COL11A1: variants seen among roughly 807,000 people sequenced by gnomAD.
The protein encoded by COL11A1 is collagen type XI alpha 1 chain.
A neutral mutation model predicts 265.2 loss-of-function variants in COL11A1; 74 were observed. That is an observed-to-expected ratio of 0.28 (90% CI 0.23 to 0.34). COL11A1 has a LOEUF of 0.34. COL11A1 is among the 10% of genes least tolerant of loss of function. The probability of loss-of-function intolerance (pLI) is 1.00; values close to 1 mark genes in which losing one functional copy is unlikely to be tolerated. For synonymous variants in COL11A1, 816 were observed against 727.6 expected (o/e 1.12, Z -1.96); for missense variants, 2,165 against 2,263.6 (o/e 0.96, Z 0.88).
chr1:102,964,981 C>T (rs1661268508), intron 38 of COL11A1, among the ~76,000 whole-genome samples: 1 of 152,004 alleles, frequency 6.6e-6, no homozygotes, highest in South Asian at 2.1e-4. Flanking sequence ...TTTTGTATAT[C>T]CTCAAAGATA....
intron 66 of COL11A1, among the ~76,000 whole-genome samples, chr1:102,878,472 CCT>C: frequency 6.3e-5 from 1 of 15,788 alleles, no homozygotes; most frequent in South Asian, 4.7e-3. Context: ...GGTATTGAAT[CCT>C]CATATATATA....
chr1:102,967,459 C>G (rs2101610024), intron 37 of COL11A1, among the ~76,000 whole-genome samples: 1 of 151,954 alleles, frequency 6.6e-6, no homozygotes, highest in South Asian at 2.1e-4. Context: ...AAAGGATGGT[C>G]TCGATCTCCT....
intron 56 of COL11A1, among the ~76,000 whole-genome samples, 158 bp from the exon 57 acceptor site, chr1:102,898,336 T>G (rs1011121435): frequency 1.3e-5 from 2 of 151,786 alleles, no homozygotes; most frequent in African/African-American, 4.8e-5. Context: ...AATAATTTTG[T>G]GTCTTTAATA....
chr1:102,932,251 T>C (rs1253493199), intron 46 of COL11A1, among the ~76,000 whole-genome samples: 1 of 152,242 alleles, frequency 6.6e-6, no homozygotes, highest in African/African-American at 2.4e-5. Flanking sequence ...TTTCCATGTT[T>C]AGCACTGCCT....
chr1:103,107,932 T>C, intron 1 of COL11A1, 141 bp downstream of exon 1: 1 of 712,464 alleles, frequency 1.4e-6, no homozygotes, highest in Non-Finnish European at 2.5e-6. Flanking sequence ...TGGTAGCAGC[T>C]ACAATCTGGA....
chr1:103,002,271 C>G (rs1413516602), intron 23 of COL11A1, among the ~76,000 whole-genome samples, 157 bp downstream of exon 23: 2 of 151,954 alleles, frequency 1.3e-5, no homozygotes, highest in African/African-American at 4.8e-5. Context: ...CAAGTTTGCT[C>G]AAATTTTTTT....
chr1:102,933,466 C>T (rs1295534574), intron 46 of COL11A1, among the ~76,000 whole-genome samples: 5 of 151,696 alleles, frequency 3.3e-5, no homozygotes, highest in African/African-American at 4.8e-5. Context: ...TCTCCAGCTG[C>T]GTGCTGGGAG....
chr1:103,052,903 G>A (rs1198711371), intron 4 of COL11A1, among the ~76,000 whole-genome samples: 7 of 152,264 alleles, frequency 4.6e-5, no homozygotes, highest in African/African-American at 7.2e-5. Flanking sequence ...ACATTAATAG[G>A]TAATTCTAAA....
At chr1:103,082,196 A>G (rs541755238) in intron 2 of COL11A1, among the ~76,000 whole-genome samples, 31 of 152,148 alleles carry the variant, frequency 2.0e-4, no homozygotes, top group African/African-American at 7.2e-4. Context: ...GCCAGCTGAT[A>G]TTTTAAAAAA....
chr1:103,006,081 T>G lies in COL11A1; in HGVS notation c.1778A>C (p.Glu593Ala). 3 of 1,614,040 alleles carry G rather than the reference T, an allele frequency of 1.9e-6. No homozygotes were observed. The highest frequency in any genetic ancestry group is 2.5e-6 in the Non-Finnish European group (3 of 1,179,978). Residue 593 changes from glutamate to alanine, a missense_variant, in exon 17 of 67, where the codon GAA becomes GCA. Glu to Ala is a moderately radical substitution (Grantham distance 107, BLOSUM62 -1). Coordinates refer to ENST00000370096, the MANE Select transcript of COL11A1 (RefSeq NM_001854.4). ...GADGGRGMPG[E>A]PGAKGDRGFD... ...TGAGCTCCTGACCTTTGCCCCAGGTTCTCCTGGCATTCCTCTTCCTCCATC... is the reference window on the plus strand; with the variant it reads ...TGAGCTCCTGACCTTTGCCCCAGGTGCTCCTGGCATTCCTCTTCCTCCATC...
rs144884147 is a variant in COL11A1 at position 103,022,966 on chromosome 1, C to T, written c.1021G>A (p.Glu341Lys). 1 of 1,613,056 alleles carries T rather than the reference C, an allele frequency of 6.2e-7. No homozygotes were observed. The highest frequency in any genetic ancestry group is 1.1e-5 in the South Asian group (1 of 91,066). Residue 341 changes from glutamate to lysine, a missense_variant, in exon 8 of 67, where the codon GAA becomes AAA. Glu to Lys is a moderately conservative substitution (Grantham distance 56). Transcript: ENST00000370096. The stretch of plus-strand genomic sequence containing the variant: ...TCATAATCCTCTCCCGTTAGATATT[C>T]TTCAGTAAATATTTCTTCAACTGGA... ...PNPVEEIFTE[E>K]YLTGEDYDSQ...
At chr1:102,905,209 A>T (rs780971833) in intron 54 of COL11A1, among the ~76,000 whole-genome samples, 2 of 117,736 alleles carry the variant, frequency 1.7e-5, no homozygotes, top group East Asian at 2.8e-4. Flanking sequence ...AACATCACAC[A>T]CCAGGGACTG....
At chr1:103,098,923 CAAT>C (rs1674009698) in intron 1 of COL11A1, among the ~76,000 whole-genome samples, 1 of 151,728 alleles carries the variant, frequency 6.6e-6, no homozygotes, top group South Asian at 2.1e-4. Flanking sequence ...CAGGAAATCA[CAAT>C]AATATCAGCA....
At chr1:103,094,836 G>A (rs1673616316) in intron 1 of COL11A1, among the ~76,000 whole-genome samples, 1 of 151,836 alleles carries the variant, frequency 6.6e-6, no homozygotes, top group Non-Finnish European at 1.5e-5. Context: ...GAAGTCTTAG[G>A]GGAGCCAAAA....
chr1:102,922,137 C>T (rs952677572), intron 47 of COL11A1, among the ~76,000 whole-genome samples: 2 of 152,144 alleles, frequency 1.3e-5, no homozygotes, highest in African/African-American at 4.8e-5. Flanking sequence ...CCAGAAACTC[C>T]TATCTCAAAG....
chr1:102,984,050 A>C, intron 31 of COL11A1, 88 bp downstream of exon 31: 23 of 942,256 alleles, frequency 2.4e-5, no homozygotes, highest in Non-Finnish European at 3.6e-5. Context: ...ATGATAATAT[A>C]GAGATGTTAC....
chr1:103,098,813 C>T (rs1205343867), intron 1 of COL11A1, among the ~76,000 whole-genome samples: 1 of 151,802 alleles, frequency 6.6e-6, no homozygotes, highest in Admixed American at 6.6e-5. Flanking sequence ...ATCTAAATCT[C>T]AAGCAAAGAG....
intron 4 of COL11A1, among the ~76,000 whole-genome samples, chr1:103,053,882 C>A (rs1483988945): frequency 6.6e-6 from 1 of 152,160 alleles, no homozygotes; most frequent in African/African-American, 2.4e-5. Context: ...TTGACTATTT[C>A]TTCACGAAAA....
At position 103,018,660 on chromosome 1, in the gene COL11A1, T is replaced by C. The variant is rs186832415; in HGVS notation, c.1350+158A>G. ...AAAGAGTATTACTTGGATAGACAAA[T>C]CAGAAGGCAGTTCAAAGGCACCAGC... is the stretch of plus-strand genomic sequence containing the variant. On this transcript the variant is annotated intron_variant, in intron 10 of 66. Transcript: ENST00000370096. Among the ~76,000 whole-genome samples, 259 of 152,236 alleles carry C rather than the reference T, an allele frequency of 1.7e-3. 1 individual carries two copies. The highest frequency in any genetic ancestry group is 5.5e-3 in the African/African-American group (229 of 41,572).
Sources: gnomAD v4.1 joint callset for allele counts (sites outside exome capture counted in the v4.1 genomes callset) on GRCh38, gnomAD v4.1.1 for gene constraint, MANE v1.5 for transcripts, NCBI Gene and HGNC (gene_info 2026-07-23, HGNC 2026-07-21) for gene names.